Variants in RGN observed in about 807,000 individuals in gnomAD.
RGN encodes epididymis secretory protein Li 41.
Under a neutral mutation model 20.6 loss-of-function variants are expected in RGN, and 19 were observed. That is an observed-to-expected ratio of 0.92 (90% CI 0.64 to 1.35). RGN has a LOEUF of 1.35. Among genes scored for constraint, RGN ranks in the 40% most tolerant of loss-of-function variants. The pLI is 0.00. For missense variants in RGN, 302 were observed against 232.7 expected, an observed-to-expected ratio of 1.30 and a Z score of -1.94; for synonymous variants, 85 against 87.2, an observed-to-expected ratio of 0.97 and a Z score of 0.14.
chrX:47,091,055 A>G (rs1385249238), intron 5 of RGN, among the ~76,000 whole-genome samples: 1 of 110,874 alleles, frequency 9.0e-6, no homozygotes, highest in Non-Finnish European at 1.9e-5. Flanking sequence ...TTTCCATTAT[A>G]CCTCAATCTA....
chrX:47,091,406 A>T (rs1234604519), intron 5 of RGN, among the ~76,000 whole-genome samples: 2 of 111,831 alleles, frequency 1.8e-5, no homozygotes, highest in Non-Finnish European at 3.8e-5. Flanking sequence ...GGTCAGCTTC[A>T]AAAAGAAGTA....
intron 5 of RGN, among the ~76,000 whole-genome samples, chrX:47,091,145 T>G (rs141625569): frequency 0.013 from 1,461 of 111,036 alleles, 20 homozygotes; most frequent in African/African-American, 0.044. Flanking sequence ...GTTACCCCCC[T>G]TTAAGGGCAC....
intron 6 of RGN, 109 bp from the exon 7 acceptor site, chrX:47,091,952 T>C (rs1405616466): frequency 6.3e-6 from 6 of 953,805 alleles, no homozygotes; most frequent in African/African-American, 2.0e-5. Flanking sequence ...AAATATTAAA[T>C]GCACAGATGA....
chrX:47,085,139 T>A (rs1194729974), intron 4 of RGN, among the ~76,000 whole-genome samples: 2 of 111,903 alleles, frequency 1.8e-5, no homozygotes, highest in African/African-American at 3.2e-5. Flanking sequence ...CTGTATGGTA[T>A]TTTGGTGGTT....
chrX:47,090,972 G>GAA (rs1179018606), intron 5 of RGN, among the ~76,000 whole-genome samples: 1 of 106,113 alleles, frequency 9.4e-6, no homozygotes, highest in African/African-American at 3.4e-5. Context: ...AAGAAAGAAA[G>GAA]AAAGAAAGAA....
chrX:47,082,209 G>A (rs1556381766), intron 3 of RGN, among the ~76,000 whole-genome samples: 1 of 109,127 alleles, frequency 9.2e-6, no homozygotes, highest in African/African-American at 3.3e-5. Flanking sequence ...GATAGAGAAA[G>A]AAGTTTCTTG....
chrX:47,085,818 A>G (rs949179115), intron 4 of RGN, among the ~76,000 whole-genome samples: 6 of 111,634 alleles, frequency 5.4e-5, no homozygotes, highest in Admixed American at 4.8e-4. Context: ...TTGCATGTAT[A>G]TCCTATGTGC....
intron 3 of RGN, among the ~76,000 whole-genome samples, chrX:47,082,784 C>T (rs1275852183): frequency 1.9e-5 from 2 of 107,808 alleles, no homozygotes; most frequent in Non-Finnish European, 3.8e-5. Flanking sequence ...GAAAAGCCCG[C>T]CCCCACCACC....
intron 4 of RGN, among the ~76,000 whole-genome samples, chrX:47,086,672 A>G (rs1451284535): frequency 9.7e-6 from 1 of 103,313 alleles, no homozygotes; most frequent in African/African-American, 3.5e-5. Flanking sequence ...TCAGTTCCTT[A>G]GCTGGTGGGT....
chrX:47,092,782 A>C, intron 7 of RGN, 115 bp from the exon 8 acceptor site: 2 of 572,875 alleles, frequency 3.5e-6, no homozygotes, highest in East Asian at 7.2e-5. Context: ...TTATGATAGG[A>C]GATAAAACAA....
intron 1 of RGN, among the ~76,000 whole-genome samples, chrX:47,079,738 C>CT (rs1402152034): frequency 5.4e-5 from 6 of 111,125 alleles, no homozygotes; most frequent in Non-Finnish European, 1.1e-4. Flanking sequence ...GCCTGTGTTT[C>CT]TTTTTTAAAA....
At chrX:47,085,151 A>C (rs1262402958) in intron 4 of RGN, among the ~76,000 whole-genome samples, 2 of 112,108 alleles carry the variant, frequency 1.8e-5, no homozygotes, top group East Asian at 5.6e-4. Flanking sequence ...TTGGTGGTTT[A>C]AATGAGTTTT....
In RGN at chrX:47,081,188, G is replaced by A. The variant is rs781959519; in HGVS notation, c.44G>A (p.Arg15Gln). Residue 15 changes from arginine (R) to glutamine (Q), a missense_variant, in exon 3 of 8, where the codon CGG (arginine) becomes CAG (glutamine). Arg to Gln is a conservative substitution (Grantham distance 43). Coordinates refer to ENST00000397180, the MANE Select transcript of RGN (RefSeq NM_152869.4). ...GAGTGTGTTTTGCCAGAGAACTGCC[G>A]GTGTGGTGAGTCTCCAGTATGGGAG... ...KIECVLPENC[R>Q]CGESPVWEEV... is the part of the protein sequence containing the mutation. The A allele has an allele frequency of 9.2e-6, 11 of 1,201,871 alleles. No individual in the cohort carries two copies. Among genetic ancestry groups the A allele is most frequent in the African/African-American group, 1.8e-5 (1 of 56,898 alleles).
Position 47,089,838 on chromosome X carries a change from C to T in RGN, c.409C>T (p.Leu137Phe). Residue 137 changes from leucine to phenylalanine, a missense_variant, in exon 5 of 8, where the codon CTC (leucine) becomes TTC (phenylalanine). Leu to Phe is a conservative substitution (Grantham distance 22, BLOSUM62 0). Transcript: ENST00000397180. ...LERHQGALYS[L>F]FPDHHVKKYF... is the part of the protein sequence containing the mutation. ...GCGGCACCAGGGGGCCCTGTACTCCCTCTTTCCTGATCACCACGTGAAAAA... is the reference window on the plus strand; with the variant it reads ...GCGGCACCAGGGGGCCCTGTACTCCTTCTTTCCTGATCACCACGTGAAAAA... 6 of 1,209,058 alleles carry T rather than the reference C, an allele frequency of 5.0e-6. No homozygotes were observed. Among genetic ancestry groups the T allele is most frequent in the Non-Finnish European group, 6.7e-6 (6 of 894,753 alleles).
intron 3 of RGN, 84 bp from the exon 4 acceptor site, chrX:47,084,334 A>G: frequency 1.2e-6 from 1 of 864,172 alleles, no homozygotes; most frequent in Non-Finnish European, 1.6e-6. Context: ...CTCCCGCTCT[A>G]AGAGATGCCA....
In RGN at chrX:47,090,937, A is replaced by AAGG. The variant is rs1556387460; in HGVS notation, c.563-740_563-739insGGA. Among the ~76,000 whole-genome samples, 12 of 48,497 alleles carry AAGG rather than the reference A, an allele frequency of 2.5e-4. 1 individual carries two copies. The highest frequency in any genetic ancestry group is 1.2e-3 in the South Asian group (1 of 854). 42.1% of individuals were successfully genotyped at this position (48,497 alleles called of 115,157 possible). ...GAAGGAAAGAAAGAAAGAAAGAAAG[A>AAGG]AAGAAAGAAAGAAAGAAAGAAAGAA... On this transcript the variant is annotated intron_variant, in intron 5 of 7. Coordinates refer to ENST00000397180, the MANE Select transcript of RGN (RefSeq NM_152869.4).
chrX:47,091,810 G>C lies in RGN; in HGVS notation c.694+1G>C. The C allele has an allele frequency of 3.3e-6, 4 of 1,204,924 alleles. No homozygotes were observed. Among genetic ancestry groups the C allele is most frequent in the Non-Finnish European group, 4.5e-6 (4 of 893,518 alleles). On this transcript the variant is annotated splice_donor_variant, in intron 6 of 7. Coordinates refer to ENST00000397180, the MANE Select transcript of RGN (RefSeq NM_152869.4). LOFTEE classifies it high-confidence loss of function. ...GTGATTCGTTTAGATCCTGTGACAG[G>C]TAGGCCTGCAGCAAAATGAAAAATC... is the stretch of plus-strand genomic sequence containing the variant.
intron 5 of RGN, 100 bp from the exon 6 acceptor site, chrX:47,091,578 G>T: frequency 1.1e-6 from 1 of 948,700 alleles, no homozygotes; most frequent in Non-Finnish European, 1.4e-6. Flanking sequence ...GAAGTGATCT[G>T]TATTTATAAC....
At position 47,089,790 on chromosome X, in the gene RGN, G is replaced by A; in HGVS notation, c.361G>A (p.Glu121Lys). Residue 121 changes from glutamate (E) to lysine (K), a missense_variant, in exon 5 of 8, where the codon GAA (glutamate) becomes AAA (lysine). Glu to Lys is a moderately conservative substitution (Grantham distance 56, BLOSUM62 1). Transcript: ENST00000397180. ...GRYFAGTMAE[E>K]TAPAVLERHQ... ...GGTTTTTGTAGGCACCATGGCTGAGGAAACAGCTCCAGCAGTTCTTGAGCG... is the reference window on the plus strand; with the variant it reads ...GGTTTTTGTAGGCACCATGGCTGAGAAAACAGCTCCAGCAGTTCTTGAGCG... The A allele has an allele frequency of 5.0e-6, 6 of 1,205,296 alleles. No homozygotes were observed. Among genetic ancestry groups the A allele is most frequent in the Non-Finnish European group, 6.7e-6 (6 of 893,052 alleles).
Sources: gnomAD v4.1 joint callset for allele counts (sites outside exome capture counted in the v4.1 genomes callset) on GRCh38, gnomAD v4.1.1 for gene constraint, MANE v1.5 for transcripts, NCBI Gene and HGNC (gene_info 2026-07-23, HGNC 2026-07-21) for gene names.